The following CDHR2 variants were observed in gnomAD, a reference collection of about 807,000 sequenced individuals.
CDHR2 encodes cadherin-related family member 2.
CDHR2 carries 104 observed loss-of-function variants against 138.6 expected under a neutral mutation model. That is an observed-to-expected ratio of 0.75 (90% CI 0.64 to 0.88). The LOEUF is 0.88. Among genes scored for constraint, CDHR2 ranks in the 40% least tolerant of loss-of-function variants. The pLI is 0.00. For synonymous variants in CDHR2, 755 were observed against 742.8 expected, an observed-to-expected ratio of 1.02 and a Z score of -0.27; for missense variants, 1,624 against 1,727.6, an observed-to-expected ratio of 0.94 and a Z score of 1.06.
intron 6 of CDHR2, among the ~76,000 whole-genome samples, 182 bp downstream of exon 6, chr5:176,571,484 G>A (rs1410672067): frequency 6.6e-6 from 1 of 151,518 alleles, no homozygotes; most frequent in African/African-American, 2.4e-5. Flanking sequence ...GCAATATTTT[G>A]CAATCAGTCA....
At position 176,595,690 on chromosome 5, in the gene CDHR2, C is replaced by T. The variant is rs779047877; in HGVS notation, c.*18C>T. On this transcript the variant is annotated 3_prime_UTR_variant, in exon 32 of 32. Transcript: ENST00000261944. ...ACCTGTGACAGGGGCCCCCACTCTT[C>T]TGGACCCCTTGAAGAGGCCCTACCA... is the stretch of plus-strand genomic sequence containing the variant. 2 of 1,556,108 alleles carry T rather than the reference C, an allele frequency of 1.3e-6. No individual in the cohort carries two copies. The highest frequency in any genetic ancestry group is 2.4e-5 in the South Asian group (2 of 83,572).
chr5:176,557,719 T>TCTTTCTTTC lies in CDHR2; in HGVS notation c.-15-7619_-15-7618insCTTTCTTTC, dbSNP rs1757870442. 2.7e-3 allele frequency among the ~76,000 whole-genome samples: 393 copies of TCTTTCTTTC among 144,276 alleles called. 7 individuals carry two copies. Among genetic ancestry groups the TCTTTCTTTC allele is most frequent in the African/African-American group, 0.01 (379 of 37,802 alleles). 94.7% of individuals were successfully genotyped at this position (144,276 alleles called of 152,430 possible). On this transcript the variant is annotated intron_variant, in intron 1 of 31. Coordinates refer to ENST00000261944, the MANE Select transcript of CDHR2 (RefSeq NM_017675.6). ...CTTTCTTTCTTTCTTTCTTTTTTTT[T>TCTTTCTTTC]TATTTTGAAATGGAGTCTTGCTCTG...
rs368990457 is a variant in CDHR2 at position 176,551,846 on chromosome 5, C to T, written c.-16+2432C>T. On this transcript the variant is annotated intron_variant, in intron 1 of 31. Transcript: ENST00000261944. ...CCTTCCAAGTAGCTGGGACTACAGG[C>T]GCCCGCCACCACGCCTGGCTAATAT... is the stretch of plus-strand genomic sequence containing the variant. 4.1e-3 allele frequency among the ~76,000 whole-genome samples: 614 copies of T among 149,198 alleles called. 4 individuals carry two copies. The highest frequency in any genetic ancestry group is 0.014 in the African/African-American group (569 of 40,680).
intron 1 of CDHR2, among the ~76,000 whole-genome samples, chr5:176,560,963 C>A (rs182913382): frequency 1.4e-5 from 2 of 141,912 alleles, no homozygotes; most frequent in East Asian, 4.4e-4. Context: ...AGATCAGAAC[C>A]AGGATCTCTG....
At position 176,566,975 on chromosome 5, in the gene CDHR2, C is replaced by T. The variant is rs544880116; in HGVS notation, c.124+1232C>T. On this transcript the variant is annotated intron_variant, in intron 3 of 31. Transcript: ENST00000261944. The stretch of plus-strand genomic sequence containing the variant: ...AAATGGAATCCAGGAATGTCGAAAG[C>T]TGCCAGATGAAACAAGAGACACCAA... 6 of 456,266 alleles carry T rather than the reference C, an allele frequency of 1.3e-5. No homozygotes were observed. In the East Asian group the frequency reaches 4.2e-4, roughly 32 times the overall value. 28.3% of individuals were successfully genotyped at this position (456,266 alleles called of 1,614,324 possible). A position where few individuals can be genotyped will look rare whatever the true frequency, so the allele number is the denominator to read the frequency against.
In CDHR2 at chr5:176,577,346, G is replaced by A. The variant is rs1758408011; in HGVS notation, c.1195-53G>A. 17 of 1,553,386 alleles carry A rather than the reference G, an allele frequency of 1.1e-5. No individual in the cohort carries two copies. The South Asian group carries it at 2.0e-4, about 18-fold the overall frequency. On this transcript the variant is annotated intron_variant, in intron 12 of 31. Coordinates refer to ENST00000261944, the MANE Select transcript of CDHR2 (RefSeq NM_017675.6). ...AGAAGCCTGGGGACTGGGGGAAGAT[G>A]CAGGTGGGCAGAGCAGGGGGACAGG...
In CDHR2 at chr5:176,577,791, G is replaced by C. The variant is rs772729567; in HGVS notation, c.1505G>C (p.Ser502Thr). The C allele has an allele frequency of 6.2e-7, 1 of 1,614,008 alleles. No homozygotes were observed. Among genetic ancestry groups the C allele is most frequent in the South Asian group, 1.1e-5 (1 of 91,056 alleles). ...GCCACCGGCTCTGTGGTCACCGACA[G>C]CATCCACGTGAGTGATGTGGACACA... Reference protein sequence around the residue: ...HSATGSVVTDSIHATDPDTGA... With the variant: ...HSATGSVVTDTIHATDPDTGA... The change falls in exon 14 of 32, where the codon AGC becomes ACC. Residue 502 changes from serine to threonine, a missense_variant. Ser to Thr is a moderately conservative substitution (Grantham distance 58). Around this residue, in one of 3 missense-constraint regions of CDHR2, gnomAD observed 1,061 missense variants for 1,136.6 expected, o/e 0.93. Transcript: ENST00000261944.
In CDHR2 at chr5:176,554,729, C is replaced by T. The variant is rs372495029; in HGVS notation, c.-16+5315C>T. Reference sequence around the variant, plus strand: ...AGGCTGGAGTGCAGTGGCACGATCTCGGCTCACTGCAACCTCCACCTCCCG... The same window carrying T: ...AGGCTGGAGTGCAGTGGCACGATCTTGGCTCACTGCAACCTCCACCTCCCG... On this transcript the variant is annotated intron_variant, in intron 1 of 31. Transcript: ENST00000261944. Among the ~76,000 whole-genome samples, 13 of 152,294 alleles carry T rather than the reference C, an allele frequency of 8.5e-5. No individual in the cohort carries two copies. In the East Asian group the frequency reaches 1.2e-3, roughly 14 times the overall value.
In CDHR2 at chr5:176,575,947, C is replaced by T. The variant is rs1758369436; in HGVS notation, c.961-5C>T. On this transcript the variant is annotated splice_polypyrimidine_tract_variant and splice_region_variant and intron_variant, in intron 11 of 31. Coordinates refer to ENST00000261944, the MANE Select transcript of CDHR2 (RefSeq NM_017675.6). ...CTGCCCTCTGCCCTCTGCTCTGTGC[C>T]TCAGGCCACCGAGACACACCTCAAC... 6.2e-7 allele frequency: 1 copy of T among 1,610,996 alleles called. No homozygotes were observed. Among genetic ancestry groups the T allele is most frequent in the African/African-American group, 1.3e-5 (1 of 74,488 alleles).
intron 1 of CDHR2, among the ~76,000 whole-genome samples, chr5:176,544,064 A>T (rs185678201): frequency 6.6e-6 from 1 of 152,270 alleles, no homozygotes; most frequent in Non-Finnish European, 1.5e-5. Context: ...TCTGGCTGGC[A>T]TGCAGGTGGT....
chr5:176,545,332 C>T (rs1757561041), upstream of CDHR2, among the ~76,000 whole-genome samples: 1 of 152,074 alleles, frequency 6.6e-6, no homozygotes, highest in South Asian at 2.1e-4. Flanking sequence ...CCATGTTCTA[C>T]GTTTCACCAT....
chr5:176,590,402 C>T, intron 26 of CDHR2, 23 bp from the exon 27 acceptor site: 1 of 1,614,138 alleles, frequency 6.2e-7, no homozygotes, highest in Non-Finnish European at 8.5e-7. Flanking sequence ...GTCCCTCGGG[C>T]CTAAGTGGAG....
intron 1 of CDHR2, among the ~76,000 whole-genome samples, chr5:176,561,013 G>A (rs901062359): frequency 6.6e-6 from 1 of 152,180 alleles, no homozygotes; most frequent in Admixed American, 6.5e-5. Flanking sequence ...CCTGCAGCTA[G>A]CCAGTGCTGG....
chr5:176,549,726 C>A (rs1451703664), intron 1 of CDHR2, among the ~76,000 whole-genome samples: 1 of 152,166 alleles, frequency 6.6e-6, no homozygotes, highest in South Asian at 2.1e-4. Flanking sequence ...AGGTAACTGG[C>A]CTGACCCCTT....
rs191955310 is a variant in CDHR2, at chr5:176,583,625, G to T, written c.2059-565G>T. ...CAGTGGGCTAGGGCTGGCCACAGAGGTGAGAGCCAAAAACAGCTGGTGTCT... is the reference window on the plus strand; with the variant it reads ...CAGTGGGCTAGGGCTGGCCACAGAGTTGAGAGCCAAAAACAGCTGGTGTCT... On this transcript the variant is annotated intron_variant, in intron 17 of 31. Coordinates refer to ENST00000261944, the MANE Select transcript of CDHR2 (RefSeq NM_017675.6). Among the ~76,000 whole-genome samples, 21 of 151,450 alleles carry T rather than the reference G, an allele frequency of 1.4e-4. No individual in the cohort carries two copies. The East Asian group carries it at 2.9e-3, about 21-fold the overall frequency.
upstream of CDHR2, among the ~76,000 whole-genome samples, chr5:176,545,279 A>C (rs1477708332): frequency 2.0e-5 from 3 of 152,022 alleles, no homozygotes; most frequent in Admixed American, 2.0e-4. Context: ...GCACGCCACC[A>C]CGCTGGGCTA....
intron 16 of CDHR2, 55 bp from the exon 17 acceptor site, chr5:176,581,288 G>C: frequency 6.2e-7 from 1 of 1,601,044 alleles, no homozygotes; most frequent in East Asian, 2.2e-5. Context: ...GCATCGGAGG[G>C]GCTGGGGGCT....
At chr5:176,595,278 C>CA (rs1177296252) in intron 31 of CDHR2, among the ~76,000 whole-genome samples, 1 of 152,152 alleles carries the variant, frequency 6.6e-6, no homozygotes, top group African/African-American at 2.4e-5. Flanking sequence ...GGCAGAGTGC[C>CA]GCAGTGTTGG....
upstream of CDHR2, among the ~76,000 whole-genome samples, chr5:176,544,969 A>C (rs1757553773): frequency 6.6e-6 from 1 of 152,198 alleles, no homozygotes; most frequent in South Asian, 2.1e-4. Flanking sequence ...GAGGTATTAC[A>C]GGTAAAGAAA....
Sources: allele counts gnomAD v4.1 joint callset (sites outside exome capture counted in the v4.1 genomes callset), GRCh38; gene constraint gnomAD v4.1.1; regional missense constraint gnomAD v4.1.1; transcripts MANE v1.5; gene names NCBI Gene and HGNC (gene_info 2026-07-23, HGNC 2026-07-21).